Variants in KCNK9 observed in about 807,000 individuals in gnomAD.
KCNK9 encodes the protein potassium two pore domain channel subfamily K member 9.
In KCNK9, 1 loss-of-function variant was observed where a neutral mutation model predicts 10.8. The observed-to-expected ratio is 0.09, with a 90% CI of 0.03 to 0.44. The LOEUF is 0.44. Among genes scored for constraint, KCNK9 ranks in the 20% least tolerant of loss-of-function variants. KCNK9 has a pLI of 0.97. For missense variants in KCNK9, 303 were observed against 515.0 expected, an observed-to-expected ratio of 0.59 and a Z score of 3.98; for synonymous variants, 231 against 222.7, an observed-to-expected ratio of 1.04 and a Z score of -0.33.
intron 1 of KCNK9, among the ~76,000 whole-genome samples, chr8:139,668,518 T>A (rs1816352621): frequency 6.6e-6 from 1 of 151,192 alleles, no homozygotes; most frequent in South Asian, 2.1e-4. Context: ...GCCTCCCAGG[T>A]TCAAGCGATT....
chr8:139,638,094 C>T (rs1563728623), intron 1 of KCNK9, among the ~76,000 whole-genome samples: 1 of 151,784 alleles, frequency 6.6e-6, no homozygotes, highest in Non-Finnish European at 1.5e-5. Context: ...GACCACATCC[C>T]CATACCGTTA....
At chr8:139,605,287 G>T (rs1431262669) in intron 2 of KCNK9, among the ~76,000 whole-genome samples, 1 of 152,146 alleles carries the variant, frequency 6.6e-6, no homozygotes, top group Admixed American at 6.5e-5. Context: ...CTCTTGGTTT[G>T]GTTTGGTTTG....
intron 1 of KCNK9, among the ~76,000 whole-genome samples, chr8:139,679,340 C>T (rs1816632957): frequency 1.3e-5 from 2 of 152,246 alleles, no homozygotes; most frequent in African/African-American, 4.8e-5. Context: ...GTGAAAGGCA[C>T]TCCCTGAGCA....
chr8:139,682,544 T>C (rs1273192791), intron 1 of KCNK9, among the ~76,000 whole-genome samples: 1 of 152,140 alleles, frequency 6.6e-6, no homozygotes, highest in Non-Finnish European at 1.5e-5. Flanking sequence ...AGCCTGGGAC[T>C]CAGTCTGCAT....
At chr8:139,665,156 A>G (rs979351666) in intron 1 of KCNK9, among the ~76,000 whole-genome samples, 2 of 152,178 alleles carry the variant, frequency 1.3e-5, no homozygotes, top group South Asian at 2.1e-4. Flanking sequence ...AGAAGTTGCA[A>G]TGGGCCTCAT....
chr8:139,671,763 G>T (rs1816432753), intron 1 of KCNK9, among the ~76,000 whole-genome samples: 1 of 152,110 alleles, frequency 6.6e-6, no homozygotes, highest in Non-Finnish European at 1.5e-5. Context: ...GTTTCACCAT[G>T]TTGGCCGAGC....
At chr8:139,654,371 C>A (rs548114709) in intron 1 of KCNK9, among the ~76,000 whole-genome samples, 1 of 152,182 alleles carries the variant, frequency 6.6e-6, no homozygotes, top group African/African-American at 2.4e-5. Flanking sequence ...CCTCGGAGCG[C>A]GGCCAGACCC....
At position 139,641,627 on chromosome 8, in the gene KCNK9, C is replaced by G. The variant is rs538660682; in HGVS notation, c.284-22528G>C. 1.8e-3 allele frequency among the ~76,000 whole-genome samples: 26 copies of G among 14,580 alleles called. No individual in the cohort carries two copies. In the South Asian group the frequency reaches 0.12, roughly 65 times the overall value. 9.6% of individuals were successfully genotyped at this position (14,580 alleles called of 152,430 possible). A position where few individuals can be genotyped will look rare whatever the true frequency, so the allele number is the denominator to read the frequency against. Reference sequence around the variant, plus strand: ...CTCCCGCTCTGCCCCAGCGCTCTGGCCTGCCCCCCCCCCGCACTTTCTGCT... The same window carrying G: ...CTCCCGCTCTGCCCCAGCGCTCTGGGCTGCCCCCCCCCCGCACTTTCTGCT... On this transcript the variant is annotated intron_variant, in intron 1 of 1. Coordinates refer to ENST00000520439, the MANE Select transcript of KCNK9 (RefSeq NM_001282534.2).
chr8:139,684,653 A>G (rs1349856935), intron 1 of KCNK9, among the ~76,000 whole-genome samples: 2 of 152,236 alleles, frequency 1.3e-5, no homozygotes, highest in African/African-American at 4.8e-5. Context: ...AACAACAAAC[A>G]TAAACCTTTA....
At chr8:139,609,106 A>ACCCCCTCCC (rs1554617339), downstream of KCNK9, among the ~76,000 whole-genome samples, 1 of 123,852 alleles carries the variant, frequency 8.1e-6, no homozygotes, top group African/African-American at 3.2e-5. Context: ...GACCCATCCC[A>ACCCCCTCCC]CCCCACCCCG....
chr8:139,662,380 G>A (rs1816176761), intron 1 of KCNK9, among the ~76,000 whole-genome samples: 1 of 152,302 alleles, frequency 6.6e-6, no homozygotes, highest in Middle Eastern at 3.4e-3. Context: ...AGGTGGCCAG[G>A]GCAGTGTGAG....
intron 1 of KCNK9, among the ~76,000 whole-genome samples, chr8:139,686,324 G>A (rs1202387692): frequency 2.0e-5 from 3 of 152,136 alleles, no homozygotes; most frequent in Non-Finnish European, 2.9e-5. Flanking sequence ...GATCGAACAG[G>A]CAACCTACAG....
rs116363834 is a variant in KCNK9, at chr8:139,665,934, C to T, written c.283+36776G>A. Among the ~76,000 whole-genome samples the T allele has an allele frequency of 5.0e-3, 765 of 152,348 alleles. 5 individuals are homozygous for T. Among genetic ancestry groups the T allele is most frequent in the African/African-American group, 0.015 (609 of 41,572 alleles). On this transcript the variant is annotated intron_variant, in intron 1 of 1. Coordinates refer to ENST00000520439, the MANE Select transcript of KCNK9 (RefSeq NM_001282534.2). The stretch of plus-strand genomic sequence containing the variant: ...AGCCTGAGAAGCTCAGCCCTAGAAC[C>T]ACCTCAAGAGGGTTAAATGCATCAA...
At chr8:139,684,635 G>A (rs903131101) in intron 1 of KCNK9, among the ~76,000 whole-genome samples, 5 of 152,170 alleles carry the variant, frequency 3.3e-5, no homozygotes, top group African/African-American at 1.2e-4. Context: ...TCTCTGCCAA[G>A]AAGAAATAAC....
chr8:139,681,164 C>T (rs1246393608), intron 1 of KCNK9, among the ~76,000 whole-genome samples: 1 of 152,174 alleles, frequency 6.6e-6, no homozygotes, highest in African/African-American at 2.4e-5. Flanking sequence ...ATGTAAGCCT[C>T]ACAAAAATCT....
downstream of KCNK9, among the ~76,000 whole-genome samples, chr8:139,615,028 G>C (rs1193930723): frequency 6.6e-6 from 1 of 152,164 alleles, no homozygotes. Context: ...TTGCTGAATG[G>C]GCATGGTTAA....
At chr8:139,646,677 G>A (rs1815696037) in intron 1 of KCNK9, among the ~76,000 whole-genome samples, 1 of 152,262 alleles carries the variant, frequency 6.6e-6, no homozygotes, top group Non-Finnish European at 1.5e-5. Flanking sequence ...CTGACTGAAT[G>A]AATGAATGAA....
At chr8:139,656,434 C>T (rs1168677425) in intron 1 of KCNK9, among the ~76,000 whole-genome samples, 2 of 152,146 alleles carry the variant, frequency 1.3e-5, no homozygotes, top group African/African-American at 2.4e-5. Flanking sequence ...GCCGCTCCCT[C>T]GGCCTGGAGT....
chr8:139,612,311 C>T (rs1814451491), downstream of KCNK9: 1 of 152,194 alleles, frequency 6.6e-6, no homozygotes, highest in African/African-American at 2.4e-5. Flanking sequence ...GCAAAGATCT[C>T]AAGGACAGAG....
Sources: gnomAD v4.1 joint callset for allele counts (sites outside exome capture counted in the v4.1 genomes callset) on GRCh38, gnomAD v4.1.1 for gene constraint, MANE v1.5 for transcripts, NCBI Gene and HGNC (gene_info 2026-07-23, HGNC 2026-07-21) for gene names.